Variants in MED13L observed in about 807,000 individuals in gnomAD.
MED13L encodes the protein mediator of RNA polymerase II transcription subunit 13-like.
A neutral mutation model predicts 220.9 loss-of-function variants in MED13L; 7 were observed. That is an observed-to-expected ratio of 0.03 (90% CI 0.02 to 0.06). The LOEUF (loss-of-function observed/expected upper bound fraction) is 0.06, where lower values mean the gene tolerates loss of function less well. MED13L is among the 10% of genes least tolerant of loss of function. The pLI is 1.00. For missense variants in MED13L, 1,965 were observed against 2,760.5 expected, an observed-to-expected ratio of 0.71 and a Z score of 6.46; for synonymous variants, 1,011 against 1,015.2, an observed-to-expected ratio of 1.00 and a Z score of 0.08.
intron 3 of MED13L, among the ~76,000 whole-genome samples, chr12:116,102,703 C>T (rs201382147): frequency 0.018 from 1,147 of 62,766 alleles, 25 homozygotes; most frequent in Middle Eastern, 0.041. Context: ...TTTTCTTTTT[C>T]TTTTTTCTTT....
In MED13L at chr12:116,165,681, T is replaced by TTG. The variant is rs1879209516; in HGVS notation, c.311-54170_311-54169insCA. On this transcript the variant is annotated intron_variant, in intron 2 of 30. Coordinates refer to ENST00000281928, the MANE Select transcript of MED13L (RefSeq NM_015335.5). ...TTCTGCCACCTTGCACATTGTAGACTAACAGAGTTTCACCATTCCTGTCTC... is the reference window on the plus strand; with the variant it reads ...TTCTGCCACCTTGCACATTGTAGACTTGAACAGAGTTTCACCATTCCTGTCTC... Among the ~76,000 whole-genome samples the TTG allele has an allele frequency of 2.6e-5, 4 of 152,240 alleles. No individual in the cohort carries two copies. In the South Asian group the frequency reaches 8.3e-4, roughly 32 times the overall value.
At position 116,185,207 on chromosome 12, in the gene MED13L, C is replaced by A. The variant is rs900804028; in HGVS notation, c.310+52261G>T. Among the ~76,000 whole-genome samples the A allele has an allele frequency of 2.6e-5, 4 of 152,172 alleles. No homozygotes were observed. The East Asian group carries it at 7.7e-4, about 29-fold the overall frequency. On this transcript the variant is annotated intron_variant, in intron 2 of 30. Coordinates refer to ENST00000281928, the MANE Select transcript of MED13L (RefSeq NM_015335.5). ...TGAAAGACCACAAAATCTTTACTCA[C>A]CTACAAAGTGGTCAGTAGAAAGCAA...
In MED13L at chr12:115,975,632, T is replaced by C. The variant is rs763491465; in HGVS notation, c.5471A>G (p.Asn1824Ser). The part of the protein sequence containing the change: ...ETFGEASQKY[N>S]VLFVGYCLSH... ...CAGACAATAGCCCACGAAGAGCACA[T>C]TGTATTTCTGGCTCGCCTCACCAAA... The change falls in exon 24 of 31, where the codon AAT (asparagine) becomes AGT (serine). Residue 1824 changes from asparagine (N) to serine (S), a missense_variant. Physicochemically the swap from Asn to Ser is conservative, Grantham distance 46 (BLOSUM62 1). Transcript: ENST00000281928. 4.1e-5 allele frequency: 66 copies of C among 1,613,994 alleles called. No homozygotes were observed. Among genetic ancestry groups the C allele is most frequent in the Non-Finnish European group, 5.3e-5 (62 of 1,180,016 alleles).
chr12:116,213,978 A>G (rs17614634), intron 2 of MED13L, among the ~76,000 whole-genome samples: 13,909 of 152,198 alleles, frequency 0.091, 733 homozygotes, highest in East Asian at 0.21. Flanking sequence ...TTCCCTTAAA[A>G]CACACAAAAA....
chr12:116,168,788 T>C (rs1056799194), intron 2 of MED13L, among the ~76,000 whole-genome samples: 1 of 152,186 alleles, frequency 6.6e-6, no homozygotes, highest in African/African-American at 2.4e-5. Context: ...TGGGATCCCT[T>C]TATAACTCTT....
At chr12:116,056,591 A>T (rs1349382547) in intron 4 of MED13L, among the ~76,000 whole-genome samples, 1 of 152,214 alleles carries the variant, frequency 6.6e-6, no homozygotes, top group Non-Finnish European at 1.5e-5. Flanking sequence ...GACCTTAGTT[A>T]AGACATGATT....
intron 4 of MED13L, among the ~76,000 whole-genome samples, chr12:116,072,154 T>C (rs1207035605): frequency 1.3e-5 from 2 of 152,152 alleles, no homozygotes; most frequent in African/African-American, 4.8e-5. Flanking sequence ...AGTACACAAG[T>C]AGACACAGGT....
Position 116,007,501 on chromosome 12 carries a change from A to G in MED13L, c.2148T>C (p.Tyr716=). Residue 716 remains tyrosine (Y), a synonymous_variant, in exon 11 of 31, where the codon TAT becomes TAC. Transcript: ENST00000281928. ...ATTTTATGTCACCATCTTCAAAGGT[A>G]TATGGGTCATTCACTTCTCCCAAAC... is the stretch of plus-strand genomic sequence containing the variant. The part of the protein sequence containing the change: ...GDSLGEVNDP[Y]TFEDGDIKYI... 1.3e-5 allele frequency: 21 copies of G among 1,614,026 alleles called. No individual in the cohort carries two copies. Among genetic ancestry groups the G allele is most frequent in the Non-Finnish European group, 1.6e-5 (19 of 1,179,924 alleles).
At chr12:116,129,715 C>T (rs1484342296) in intron 2 of MED13L, among the ~76,000 whole-genome samples, 1 of 152,156 alleles carries the variant, frequency 6.6e-6, no homozygotes, top group Admixed American at 6.5e-5. Flanking sequence ...TCGAGACCAG[C>T]CTGGCCAACA....
chr12:116,079,736 C>T (rs1430114997), intron 4 of MED13L, among the ~76,000 whole-genome samples: 1 of 151,896 alleles, frequency 6.6e-6, no homozygotes, highest in African/African-American at 2.4e-5. Flanking sequence ...AGGGTTTTAC[C>T]ATGTTGCCTA....
chr12:116,217,601 AG>A (rs1199089985), intron 2 of MED13L, among the ~76,000 whole-genome samples: 1 of 152,216 alleles, frequency 6.6e-6, no homozygotes, highest in Non-Finnish European at 1.5e-5. Context: ...AACTTTGAAG[AG>A]GCAAAAACAC....
Position 115,983,465 on chromosome 12 carries a change from G to A in MED13L, c.4607C>T (p.Ala1536Val), listed in dbSNP as rs527644823. ...PPKYQTPPAA[A>V]QGQATPGNAG... ...ATTCCCTGGCGTAGCTTGTCCCTGT[G>A]CTGCTGCTGGTGGGGTCTGGTATTT... is the stretch of plus-strand genomic sequence containing the variant. The change falls in exon 21 of 31, where the codon GCA becomes GTA. Residue 1536 changes from alanine (A) to valine (V), a missense_variant. Ala to Val is a moderately conservative substitution (Grantham distance 64). This residue lies in a region of MED13L where 510 missense variants were observed against 620.4 expected (regional missense o/e 0.82). Coordinates refer to ENST00000281928, the MANE Select transcript of MED13L (RefSeq NM_015335.5). 1.0e-3 allele frequency: 1,613 copies of A among 1,614,178 alleles called. 22 individuals carry two copies. The South Asian group carries it at 0.017, about 17-fold the overall frequency.
chr12:116,070,843 C>T lies in MED13L; in HGVS notation c.479+25826G>A, dbSNP rs555849238. Reference sequence around the variant, plus strand: ...ATACTATTTCAAAAATGGCTGTTTCCCAGCATGAGTGCCTAGATTTTCTCT... The same window carrying T: ...ATACTATTTCAAAAATGGCTGTTTCTCAGCATGAGTGCCTAGATTTTCTCT... On this transcript the variant is annotated intron_variant, in intron 4 of 30. Coordinates refer to ENST00000281928, the MANE Select transcript of MED13L (RefSeq NM_015335.5). Among the ~76,000 whole-genome samples the T allele has an allele frequency of 2.6e-5, 4 of 152,182 alleles. No homozygotes were observed. The East Asian group carries it at 7.7e-4, about 29-fold the overall frequency.
At chr12:116,054,905 A>G (rs554085333) in intron 4 of MED13L, among the ~76,000 whole-genome samples, 1 of 152,244 alleles carries the variant, frequency 6.6e-6, no homozygotes, top group Non-Finnish European at 1.5e-5. Context: ...AGGATTATTC[A>G]TAATAGCCCC....
At chr12:116,203,546 G>A (rs1276456027) in intron 2 of MED13L, among the ~76,000 whole-genome samples, 1 of 152,076 alleles carries the variant, frequency 6.6e-6, no homozygotes, top group East Asian at 1.9e-4. Context: ...GAGGCTGGGC[G>A]CAGTGGCTCA....
chr12:115,990,286 T>C (rs898748421), intron 17 of MED13L, among the ~76,000 whole-genome samples: 9 of 152,244 alleles, frequency 5.9e-5, no homozygotes, highest in East Asian at 1.9e-4. Flanking sequence ...GTCTATCCCA[T>C]GCTTTTATCA....
At chr12:116,014,838 C>T (rs946141139) in intron 8 of MED13L, among the ~76,000 whole-genome samples, 1 of 152,162 alleles carries the variant, frequency 6.6e-6, no homozygotes, top group African/African-American at 2.4e-5. Context: ...CCTGTGCCAG[C>T]TGTGCTACAA....
In MED13L at chr12:116,019,372, G is replaced by C; in HGVS notation, c.861C>G (p.Ile287Met). 1 of 1,614,040 alleles carries C rather than the reference G, an allele frequency of 6.2e-7. No homozygotes were observed. The highest frequency in any genetic ancestry group is 1.1e-5 in the South Asian group (1 of 91,088). Residue 287 changes from isoleucine (I) to methionine (M), a missense_variant, in exon 7 of 31, where the codon ATC becomes ATG. By Grantham distance (10) the Ile-to-Met change is conservative (BLOSUM62 1). This residue lies in a region of MED13L where 818 missense variants were observed against 1,041.2 expected (regional missense o/e 0.79). Transcript: ENST00000281928. ...GAGGAACCGGGATGTCATTCTGAGA[G>C]ATCAAAACAAATGCTGAAGGGTAAA... Reference protein sequence around the residue: ...RMVYPSAFVLISQNDIPVPQS... With the variant: ...RMVYPSAFVLMSQNDIPVPQS...
intron 1 of MED13L, 28 bp downstream of exon 1, chr12:116,277,019 CTTCCCCGGCACAG>C: frequency 1.4e-6 from 2 of 1,418,196 alleles, no homozygotes; most frequent in Non-Finnish European, 1.9e-6. Flanking sequence ...GACCCCCCCC[CTTCCCCGGCACAG>C]CCCCCTCCCC....
Sources: allele counts gnomAD v4.1 joint callset (sites outside exome capture counted in the v4.1 genomes callset), GRCh38; gene constraint gnomAD v4.1.1; regional missense constraint gnomAD v4.1.1; transcripts MANE v1.5; gene names NCBI Gene and HGNC (gene_info 2026-07-23, HGNC 2026-07-21).